The following IL18R1 variants were observed in gnomAD, a reference collection of about 807,000 sequenced individuals.
IL18R1 encodes interleukin 18 receptor 1.
A neutral mutation model predicts 48.5 loss-of-function variants in IL18R1; 40 were observed. That is an observed-to-expected ratio of 0.82 (90% CI 0.64 to 1.07). The LOEUF (loss-of-function observed/expected upper bound fraction) is 1.07. Ranked by LOEUF, IL18R1 falls within the 50% of genes least tolerant of loss-of-function variation. The probability of loss-of-function intolerance (pLI) is 0.00; values close to 1 mark genes in which losing one functional copy is unlikely to be tolerated. For synonymous variants in IL18R1, 232 were observed against 225.9 expected (o/e 1.03, Z -0.24); for missense variants, 596 against 633.7 (o/e 0.94, Z 0.64).
chr2:102,357,860 TTTTG>T (rs1293237356), intron 1 of IL18R1, among the ~76,000 whole-genome samples: 1 of 152,152 alleles, frequency 6.6e-6, no homozygotes, highest in African/African-American at 2.4e-5. Context: ...ACACAAATTA[TTTTG>T]TTTGTTAGAG....
chr2:102,386,717 G>A, intron 7 of IL18R1, 144 bp from the exon 8 acceptor site: 1 of 809,948 alleles, frequency 1.2e-6, no homozygotes, highest in South Asian at 1.6e-5. Flanking sequence ...GTTTATTGTA[G>A]TCCATGCTTT....
Position 102,375,936 on chromosome 2 carries a change from T to C in IL18R1, c.498T>C (p.Asn166=), listed in dbSNP as rs1159054152. 1 of 1,598,496 alleles carries C rather than the reference T, an allele frequency of 6.3e-7. No individual in the cohort carries two copies. The highest frequency in any genetic ancestry group is 8.5e-7 in the Non-Finnish European group (1 of 1,175,130). ...GTAAAAAGCTACTACTGGAGAACAA[T>C]AAAAACCCAACGATAAAGAAGAACG... ...KNCKKLLLEN[N]KNPTIKKNAE... is the part of the protein sequence containing the mutation. Residue 166 remains asparagine, a synonymous_variant, in exon 5 of 11, where the codon AAT becomes AAC. Coordinates refer to ENST00000233957, the MANE Select transcript of IL18R1 (RefSeq NM_003855.5).
At chr2:102,381,418 G>A (rs1679910397) in intron 5 of IL18R1, among the ~76,000 whole-genome samples, 2 of 152,216 alleles carry the variant, frequency 1.3e-5, no homozygotes, top group Non-Finnish European at 2.9e-5. Flanking sequence ...AGCAGAAGCT[G>A]CAGATCTGAG....
At chr2:102,383,638 C>T (rs1680043557) in intron 6 of IL18R1, among the ~76,000 whole-genome samples, 1 of 152,018 alleles carries the variant, frequency 6.6e-6, no homozygotes, top group Non-Finnish European at 1.5e-5. Flanking sequence ...TTTTAAACAT[C>T]CCTTTACTAC....
At chr2:102,359,709 T>A (rs897572560) in intron 1 of IL18R1, among the ~76,000 whole-genome samples, 20 of 152,250 alleles carry the variant, frequency 1.3e-4, no homozygotes, top group African/African-American at 4.6e-4. Flanking sequence ...TGCTATTGAG[T>A]GAGAGAATAT....
chr2:102,369,864 C>T (rs2105055779), intron 3 of IL18R1, among the ~76,000 whole-genome samples: 1 of 152,146 alleles, frequency 6.6e-6, no homozygotes, highest in South Asian at 2.1e-4. Flanking sequence ...TTTATCCCAC[C>T]AAATTTTAAG....
intron 1 of IL18R1, among the ~76,000 whole-genome samples, chr2:102,360,825 T>A (rs1678533603): frequency 6.6e-6 from 1 of 152,222 alleles, no homozygotes; most frequent in Non-Finnish European, 1.5e-5. Context: ...TATTCTTCTA[T>A]GCCTATTTTA....
intron 3 of IL18R1, among the ~76,000 whole-genome samples, chr2:102,368,964 A>G (rs2058622): frequency 0.77 from 117,806 of 152,054 alleles, 46,626 homozygotes; most frequent in African/African-American, 0.89. Context: ...GCACTTCTGT[A>G]GTTTTGCACC....
At chr2:102,357,481 ACT>A (rs1678318810) in intron 1 of IL18R1, among the ~76,000 whole-genome samples, 1 of 140,934 alleles carries the variant, frequency 7.1e-6, no homozygotes, top group Non-Finnish European at 1.5e-5. Context: ...ACAGAGTGAG[ACT>A]CTATCTCAAA....
chr2:102,390,845 AT>A (rs1680521667), intron 9 of IL18R1, among the ~76,000 whole-genome samples: 2 of 148,656 alleles, frequency 1.3e-5, no homozygotes, highest in Non-Finnish European at 3.0e-5. Flanking sequence ...AGGCAGGAGA[AT>A]GGCGTGTGAA....
At chr2:102,392,894 C>G (rs1420097) in intron 9 of IL18R1, among the ~76,000 whole-genome samples, 81,230 of 151,874 alleles carry the variant, frequency 0.53, 23,573 homozygotes, top group African/African-American at 0.73. Flanking sequence ...TCTGTCAATT[C>G]TCAAGTCCCC....
chr2:102,361,490 G>C (rs1231769381), intron 1 of IL18R1, among the ~76,000 whole-genome samples: 1 of 152,222 alleles, frequency 6.6e-6, no homozygotes, highest in Admixed American at 6.5e-5. Context: ...AGTTGTTGGT[G>C]AGAGGGGCAT....
At chr2:102,363,561 G>A (rs1462767203) in intron 2 of IL18R1, among the ~76,000 whole-genome samples, 3 of 152,104 alleles carry the variant, frequency 2.0e-5, no homozygotes, top group African/African-American at 7.2e-5. Flanking sequence ...ACAAGTGAGT[G>A]GAAAAGCAAG....
At chr2:102,390,028 TC>T (rs1393750799) in intron 8 of IL18R1, 27 bp from the exon 9 acceptor site, 1 of 1,610,750 alleles carries the variant, frequency 6.2e-7, no homozygotes, top group African/African-American at 1.3e-5. Flanking sequence ...TTGATTATTT[TC>T]TTTTCCTTTT....
intron 1 of IL18R1, among the ~76,000 whole-genome samples, chr2:102,358,015 C>A (rs1278677065): frequency 1.3e-5 from 2 of 150,896 alleles, no homozygotes; most frequent in African/African-American, 4.9e-5. Flanking sequence ...TAAAAAAAAA[C>A]TGGTGTTATG....
At chr2:102,391,304 T>G (rs1409752822) in intron 9 of IL18R1, among the ~76,000 whole-genome samples, 1 of 152,052 alleles carries the variant, frequency 6.6e-6, no homozygotes, top group African/African-American at 2.4e-5. Context: ...CAAATATCAA[T>G]ACAGATTCTT....
chr2:102,365,955 C>A (rs1420324388), intron 2 of IL18R1, among the ~76,000 whole-genome samples: 1 of 152,184 alleles, frequency 6.6e-6, no homozygotes, highest in Admixed American at 6.5e-5. Flanking sequence ...GGGCCCATCC[C>A]AGGAAATCAT....
intron 5 of IL18R1, among the ~76,000 whole-genome samples, chr2:102,377,027 C>T (rs1679629120): frequency 6.6e-6 from 1 of 152,194 alleles, no homozygotes; most frequent in African/African-American, 2.4e-5. Flanking sequence ...GATTTGAAGA[C>T]AGGTTGCTTA....
Position 102,376,013 on chromosome 2 carries a change from A to G in IL18R1, c.575A>G (p.Asn192Ser). The change falls in exon 5 of 11, where the codon AAT becomes AGT. Residue 192 changes from asparagine (N) to serine (S), a missense_variant. Coordinates refer to ENST00000233957, the MANE Select transcript of IL18R1 (RefSeq NM_003855.5). ...TCCTGCGTGCATTTCCTTCATCATA[A>G]TGGAAAACTATTTAATATCACCAAA... ...YYSCVHFLHH[N>S]GKLFNITKTF... The G allele has an allele frequency of 6.2e-7, 1 of 1,604,766 alleles. No individual in the cohort carries two copies. Among genetic ancestry groups the G allele is most frequent in the Non-Finnish European group, 8.5e-7 (1 of 1,176,812 alleles).
Sources: allele counts gnomAD v4.1 joint callset (sites outside exome capture counted in the v4.1 genomes callset), GRCh38; gene constraint gnomAD v4.1.1; transcripts MANE v1.5; gene names NCBI Gene and HGNC (gene_info 2026-07-23, HGNC 2026-07-21).